FHIT: variants seen among roughly 807,000 people sequenced by gnomAD.
FHIT encodes fragile histidine triad diadenosine triphosphatase, also known as bis(5'-adenosyl)-triphosphatase.
FHIT carries 19 observed loss-of-function variants against 17.9 expected under a neutral mutation model. That is an observed-to-expected ratio of 1.06 (90% CI 0.74 to 1.56). The LOEUF (loss-of-function observed/expected upper bound fraction) is 1.56. FHIT is among the 40% of genes most tolerant of loss of function. FHIT has a pLI of 0.00. For synonymous variants in FHIT, 81 were observed against 69.7 expected (o/e 1.16, Z -0.81); for missense variants, 248 against 189.2 (o/e 1.31, Z -1.82).
At chr3:60,250,010 G>A (rs1281907984) in intron 5 of FHIT, among the ~76,000 whole-genome samples, 2 of 152,056 alleles carry the variant, frequency 1.3e-5, no homozygotes, top group Non-Finnish European at 2.9e-5. Flanking sequence ...CTGCCCCCAC[G>A]ATTTAATTAT....
chr3:60,963,640 T>C (rs903811486), intron 3 of FHIT, among the ~76,000 whole-genome samples: 9 of 147,858 alleles, frequency 6.1e-5, no homozygotes, highest in African/African-American at 1.7e-4. Context: ...TCTTTGTTCT[T>C]ATTGGTTTCA....
At chr3:61,022,418 A>AGAGGAGCT (rs2032495041) in intron 3 of FHIT, among the ~76,000 whole-genome samples, 1 of 152,234 alleles carries the variant, frequency 6.6e-6, no homozygotes, top group Non-Finnish European at 1.5e-5. Flanking sequence ...CAGAGGTAAA[A>AGAGGAGCT]GAGGAGCTGG....
At chr3:61,205,523 G>A (rs2039195215) in intron 1 of FHIT, among the ~76,000 whole-genome samples, 2 of 152,184 alleles carry the variant, frequency 1.3e-5, no homozygotes, top group Admixed American at 1.3e-4. Flanking sequence ...TCTAACTGGT[G>A]TGAGATGGTA....
intron 7 of FHIT, among the ~76,000 whole-genome samples, chr3:59,959,801 T>C (rs1252381340): frequency 1.3e-5 from 2 of 152,182 alleles, no homozygotes; most frequent in African/African-American, 2.4e-5. Flanking sequence ...TGGGAGCCTA[T>C]GACAAAGATC....
chr3:60,097,797 T>C (rs1396092949), intron 5 of FHIT, among the ~76,000 whole-genome samples: 7 of 150,974 alleles, frequency 4.6e-5, no homozygotes, highest in Admixed American at 1.3e-4. Flanking sequence ...ATGTGCCATG[T>C]TGGTGTGCTG....
intron 2 of FHIT, among the ~76,000 whole-genome samples, chr3:61,121,209 G>A (rs935323570): frequency 4.6e-5 from 7 of 152,012 alleles, no homozygotes; most frequent in African/African-American, 1.7e-4. Context: ...ACCTAGCAAG[G>A]CAGGTCAACA....
Position 59,958,870 on chromosome 3 carries a change from G to C in FHIT, c.280-36456C>G, listed in dbSNP as rs191255796. 7.6e-3 allele frequency among the ~76,000 whole-genome samples: 1,156 copies of C among 151,222 alleles called. 6 individuals carry two copies. The highest frequency in any genetic ancestry group is 0.013 in the Non-Finnish European group (850 of 67,712). ...TCCCAACTTTCTCCTCTTATATAAA[G>C]TGGTCAGGCTCAGTTTTCAGTATCA... is the stretch of plus-strand genomic sequence containing the variant. On this transcript the variant is annotated intron_variant, in intron 7 of 9. Coordinates refer to ENST00000492590, the MANE Select transcript of FHIT (RefSeq NM_002012.4).
At chr3:60,938,972 C>G (rs1553773818) in intron 3 of FHIT, among the ~76,000 whole-genome samples, 1 of 152,060 alleles carries the variant, frequency 6.6e-6, no homozygotes, top group Non-Finnish European at 1.5e-5. Context: ...TTTCTTCCGC[C>G]CAGAAAACTA....
chr3:59,986,200 C>T lies in FHIT; in HGVS notation c.279+25171G>A, dbSNP rs1708892878. ...GAAAACTCAGACAGACTCATTCTTT[C>T]CAAAAACAAGGAAAGAAGAAAAAGA... On this transcript the variant is annotated intron_variant, in intron 7 of 9. Coordinates refer to ENST00000492590, the MANE Select transcript of FHIT (RefSeq NM_002012.4). 1.3e-5 allele frequency among the ~76,000 whole-genome samples: 2 copies of T among 151,672 alleles called. 1 individual carries two copies. The highest frequency in any genetic ancestry group is 4.2e-4 in the South Asian group (2 of 4,804).
intron 3 of FHIT, among the ~76,000 whole-genome samples, chr3:60,976,096 CTTTTTTTTTTTTTTT>C (rs869239307): frequency 3.0e-5 from 2 of 66,756 alleles, no homozygotes; most frequent in African/African-American, 6.6e-5. Context: ...TTTTCTTTTT[CTTTTTTTTTTTTTTT>C]TTTTTTTTTT....
intron 4 of FHIT, among the ~76,000 whole-genome samples, chr3:60,659,819 G>C (rs934631988): frequency 9.9e-5 from 15 of 152,018 alleles, no homozygotes; most frequent in African/African-American, 3.6e-4. Context: ...TGCCATACTT[G>C]CCTGTTTCTT....
At chr3:60,224,959 G>A (rs1704126133) in intron 5 of FHIT, among the ~76,000 whole-genome samples, 1 of 151,936 alleles carries the variant, frequency 6.6e-6, no homozygotes, top group African/African-American at 2.4e-5. Context: ...GACCTCAAGG[G>A]ATCTGTTTGC....
intron 5 of FHIT, among the ~76,000 whole-genome samples, chr3:60,350,438 C>T (rs951543080): frequency 6.6e-6 from 1 of 152,152 alleles, no homozygotes; most frequent in Non-Finnish European, 1.5e-5. Flanking sequence ...AATGGAACCA[C>T]AAATAGCAAT....
chr3:60,438,623 T>A (rs1379048457), intron 5 of FHIT, among the ~76,000 whole-genome samples: 1 of 152,196 alleles, frequency 6.6e-6, no homozygotes, highest in Admixed American at 6.5e-5. Flanking sequence ...ACAACAGCCT[T>A]CAAAAATTAC....
chr3:61,132,862 A>T (rs2036805855), intron 2 of FHIT, among the ~76,000 whole-genome samples: 1 of 152,220 alleles, frequency 6.6e-6, no homozygotes, highest in Non-Finnish European at 1.5e-5. Flanking sequence ...AAGAAAAAAA[A>T]ATGTGGTAGA....
At chr3:60,648,050 G>C (rs1269904514) in intron 4 of FHIT, among the ~76,000 whole-genome samples, 4 of 152,100 alleles carry the variant, frequency 2.6e-5, no homozygotes, top group African/African-American at 4.8e-5. Flanking sequence ...TCTGAAGCAG[G>C]TCACTCCTAA....
At chr3:60,611,476 A>T (rs75977311) in intron 4 of FHIT, among the ~76,000 whole-genome samples, 270 of 152,316 alleles carry the variant, frequency 1.8e-3, no homozygotes, top group African/African-American at 6.3e-3. Context: ...CAAAAATTCA[A>T]AAAACTGAAA....
chr3:60,385,295 C>T (rs1016818072), intron 5 of FHIT, among the ~76,000 whole-genome samples: 1 of 152,144 alleles, frequency 6.6e-6, no homozygotes, highest in Non-Finnish European at 1.5e-5. Context: ...CTCAAGTACT[C>T]AATAACTTTT....
intron 3 of FHIT, among the ~76,000 whole-genome samples, chr3:60,917,661 T>A (rs1390748697): frequency 1.3e-5 from 2 of 152,184 alleles, no homozygotes; most frequent in Non-Finnish European, 2.9e-5. Context: ...CTCCTTCACT[T>A]TATTCAGGTA....
Sources: allele counts gnomAD v4.1 joint callset (sites outside exome capture counted in the v4.1 genomes callset), GRCh38; gene constraint gnomAD v4.1.1; transcripts MANE v1.5; gene names NCBI Gene and HGNC (gene_info 2026-07-23, HGNC 2026-07-21).